Variants in THRAP3 observed in about 807,000 individuals in gnomAD.
THRAP3 encodes the protein thyroid hormone receptor-associated protein 3.
THRAP3 carries 16 observed loss-of-function variants against 101.0 expected under a neutral mutation model. That is an observed-to-expected ratio of 0.16 (90% confidence interval 0.11 to 0.24). THRAP3 has a LOEUF of 0.24. Among genes scored for constraint, THRAP3 ranks in the 10% least tolerant of loss-of-function variants. THRAP3 has a pLI of 1.00. For missense variants in THRAP3, 989 were observed against 1,202.7 expected (o/e 0.82, Z 2.63); for synonymous variants, 407 against 422.6 (o/e 0.96, Z 0.45).
chr1:36,278,877 C>A (rs1050915121), intron 2 of THRAP3, among the ~76,000 whole-genome samples: 6 of 151,884 alleles, frequency 4.0e-5, no homozygotes, highest in Admixed American at 1.3e-4. Context: ...GAGCTGAGAT[C>A]ATGCCATTGC....
At chr1:36,240,932 C>T (rs1017317480) in intron 1 of THRAP3, among the ~76,000 whole-genome samples, 1 of 152,072 alleles carries the variant, frequency 6.6e-6, no homozygotes, top group Non-Finnish European at 1.5e-5. Flanking sequence ...TTCGGCCGGG[C>T]GCAGTGGCTC....
chr1:36,305,022 C>A lies in THRAP3; in HGVS notation c.*1005C>A. 1 of 195,038 alleles carries A rather than the reference C, an allele frequency of 5.1e-6. No individual in the cohort carries two copies. The highest frequency in any genetic ancestry group is 1.0e-5 in the Non-Finnish European group (1 of 97,292). 12.1% of individuals were successfully genotyped at this position (195,038 alleles called of 1,614,324 possible). ...TGGGTTTCTTTTTTTTTTTCTTTGT[C>A]TTTTTAACCTTAAGCTGTTTAAGTT... On this transcript the variant is annotated 3_prime_UTR_variant, in exon 12 of 12. Coordinates refer to ENST00000354618, the MANE Select transcript of THRAP3 (RefSeq NM_005119.4).
chr1:36,246,841 C>CAAAT lies in THRAP3; in HGVS notation c.-134-12517_-134-12514dup, dbSNP rs377713773. On this transcript the variant is annotated intron_variant, in intron 1 of 11. Transcript: ENST00000354618. ...TGGGCGACAGAGTGAGACTCTGTCTCAAATAAATAAATAAATAAATAAATA... is the reference window on the plus strand; with the variant it reads ...TGGGCGACAGAGTGAGACTCTGTCTCAAATAAATAAATAAATAAATAAATAAATA... Among the ~76,000 whole-genome samples, 1,063 of 150,912 alleles carry CAAAT rather than the reference C, an allele frequency of 7.0e-3. 13 individuals are homozygous for CAAAT. Among genetic ancestry groups the CAAAT allele is most frequent in the African/African-American group, 0.023 (943 of 41,044 alleles).
At chr1:36,221,478 C>A (rs1210477228), upstream of THRAP3, among the ~76,000 whole-genome samples, 6 of 152,076 alleles carry the variant, frequency 3.9e-5, no homozygotes, top group South Asian at 1.2e-3. Flanking sequence ...TCAGAAACTG[C>A]CACATCCACC....
At chr1:36,293,028 C>CTTTGTTTTTTTTTTTTTTTT (rs1645896901) in intron 7 of THRAP3, among the ~76,000 whole-genome samples, 1 of 82,798 alleles carries the variant, frequency 1.2e-5, no homozygotes, top group Non-Finnish European at 2.2e-5. Context: ...CTTTTCTTGT[C>CTTTGTTTTTTTTTTTTTTTT]TTTTTTTTTT....
At chr1:36,282,077 G>GAA (rs34567354) in intron 2 of THRAP3, among the ~76,000 whole-genome samples, 44 of 148,246 alleles carry the variant, frequency 3.0e-4, no homozygotes, top group African/African-American at 5.6e-4. Flanking sequence ...CCTATCTCAA[G>GAA]AAAAAAAAAA....
In THRAP3 at chr1:36,304,007, C is replaced by A. The variant is rs745782777; in HGVS notation, c.2858C>A (p.Thr953Lys). Residue 953 changes from threonine to lysine, a missense_variant, in exon 12 of 12, where the codon ACA (threonine) becomes AAA (lysine). By Grantham distance (78) the Thr-to-Lys change is moderately conservative (BLOSUM62 -1). Coordinates refer to ENST00000354618, the MANE Select transcript of THRAP3 (RefSeq NM_005119.4). Reference sequence around the variant, plus strand: ...GAAGAGAAGGACAATATACAGCCCACAACCGAGTAGGGGCCACCCTTGACG... The same window carrying A: ...GAAGAGAAGGACAATATACAGCCCAAAACCGAGTAGGGGCCACCCTTGACG... ...NREEKDNIQPTTE is the reference protein window; with the variant it reads ...NREEKDNIQPKTE The A allele has an allele frequency of 1.5e-5, 24 of 1,553,924 alleles. No individual in the cohort carries two copies. Among genetic ancestry groups the A allele is most frequent in the Non-Finnish European group, 1.9e-5 (22 of 1,150,162 alleles).
intron 10 of THRAP3, 93 bp downstream of exon 10, chr1:36,301,177 C>A: frequency 1.6e-6 from 2 of 1,269,888 alleles, no homozygotes; most frequent in Non-Finnish European, 1.1e-6. Flanking sequence ...TTGCCTTTGA[C>A]ATAAGTAATC....
intron 9 of THRAP3, among the ~76,000 whole-genome samples, chr1:36,298,518 C>T (rs1277462074): frequency 6.6e-6 from 1 of 152,050 alleles, no homozygotes; most frequent in East Asian, 1.9e-4. Flanking sequence ...TTTTTTTGGA[C>T]GATCTTGCTC....
At chr1:36,221,160 C>A (rs1463751395), upstream of THRAP3, among the ~76,000 whole-genome samples, 4 of 134,966 alleles carry the variant, frequency 3.0e-5, no homozygotes, top group African/African-American at 1.1e-4. Context: ...GCACTGCAAT[C>A]TGGGTGACAG....
chr1:36,286,288 G>A lies in THRAP3; in HGVS notation c.138-80G>A. The A allele has an allele frequency of 7.1e-7, 1 of 1,410,236 alleles. No individual in the cohort carries two copies. The highest frequency in any genetic ancestry group is 1.4e-5 in the South Asian group (1 of 70,844). 87.4% of individuals were successfully genotyped at this position (1,410,236 alleles called of 1,614,324 possible). A position where few individuals can be genotyped will look rare whatever the true frequency, so the allele number is the denominator to read the frequency against. ...GAAAGTGAATGACACATAAGGGCAG[G>A]GATTTCAGAACAGATTTTTCTTGAA... On this transcript the variant is annotated intron_variant, in intron 3 of 11. Coordinates refer to ENST00000354618, the MANE Select transcript of THRAP3 (RefSeq NM_005119.4). This position sits in a 1 kb window ranked among gnomAD's most constrained non-coding sequence, Gnocchi z 5.5.
chr1:36,249,193 C>CTTT (rs35410710), intron 1 of THRAP3, among the ~76,000 whole-genome samples: 1 of 117,524 alleles, frequency 8.5e-6, no homozygotes, highest in Non-Finnish European at 1.8e-5. Flanking sequence ...AGCACAGTCC[C>CTTT]TTTTTTTTTT....
chr1:36,253,970 G>A (rs1043309276), intron 1 of THRAP3, among the ~76,000 whole-genome samples: 1 of 151,872 alleles, frequency 6.6e-6, no homozygotes, highest in African/African-American at 2.4e-5. Flanking sequence ...TAACTTCAAA[G>A]CTATTTGGTA....
At chr1:36,290,150 G>A (rs1436467071) in intron 5 of THRAP3, among the ~76,000 whole-genome samples, 2 of 151,902 alleles carry the variant, frequency 1.3e-5, no homozygotes, top group Non-Finnish European at 2.9e-5. Flanking sequence ...AAATAACGTA[G>A]CAATTTTATT....
intron 8 of THRAP3, among the ~76,000 whole-genome samples, chr1:36,294,955 G>A (rs1385464660): frequency 6.6e-6 from 1 of 152,176 alleles, no homozygotes; most frequent in Non-Finnish European, 1.5e-5. Context: ...CGGGCAAGGT[G>A]GCTCAAGCCT....
intron 6 of THRAP3, among the ~76,000 whole-genome samples, chr1:36,291,828 C>CT (rs1299490254): frequency 6.6e-6 from 1 of 152,190 alleles, no homozygotes; most frequent in Non-Finnish European, 1.5e-5. Flanking sequence ...AGCAAAATGA[C>CT]TTTTCTAGCA....
intron 9 of THRAP3, among the ~76,000 whole-genome samples, chr1:36,298,810 T>C (rs2124641176): frequency 6.6e-6 from 1 of 152,104 alleles, no homozygotes; most frequent in South Asian, 2.1e-4. Context: ...CTGGCCCGTT[T>C]TGAGACAGGG....
At chr1:36,231,295 G>C (rs1400447318) in intron 1 of THRAP3, among the ~76,000 whole-genome samples, 1 of 152,160 alleles carries the variant, frequency 6.6e-6, no homozygotes, top group African/African-American at 2.4e-5. Flanking sequence ...CCAAACTGAA[G>C]AAAAACAGAC....
chr1:36,275,122 C>T (rs1645641094), intron 2 of THRAP3, among the ~76,000 whole-genome samples: 1 of 139,444 alleles, frequency 7.2e-6, no homozygotes, highest in Non-Finnish European at 1.6e-5. Context: ...AAAATACACA[C>T]ACACACACAC....
Sources: gnomAD v4.1 joint callset for allele counts (sites outside exome capture counted in the v4.1 genomes callset) on GRCh38, gnomAD v4.1.1 for gene constraint, Gnocchi (gnomAD v3.1) non-coding constraint, MANE v1.5 for transcripts, NCBI Gene and HGNC (gene_info 2026-07-23, HGNC 2026-07-21) for gene names.